Variants in PAPPA2 observed in about 807,000 individuals in gnomAD.
PAPPA2 encodes the protein pappalysin 2, also known as pappalysin-2.
A neutral mutation model predicts 176.4 loss-of-function variants in PAPPA2; 86 were observed. The ratio of observed to expected loss-of-function variants is 0.49; its 90% CI spans 0.41 to 0.58. The LOEUF (loss-of-function observed/expected upper bound fraction) is 0.58. PAPPA2 is among the 20% of genes least tolerant of loss of function. The pLI is 0.00. For synonymous variants in PAPPA2, 809 were observed against 852.2 expected (o/e 0.95, Z 0.88); for missense variants, 2,073 against 2,256.9 (o/e 0.92, Z 1.65).
At chr1:176,685,786 T>G (rs1379652599) in intron 4 of PAPPA2, among the ~76,000 whole-genome samples, 1 of 152,232 alleles carries the variant, frequency 6.6e-6, no homozygotes, top group Non-Finnish European at 1.5e-5. Flanking sequence ...TTCCTTTTAA[T>G]GAAAAGAAAT....
chr1:176,613,830 G>T, intron 3 of PAPPA2, among the ~76,000 whole-genome samples: 1 of 152,148 alleles, frequency 6.6e-6, no homozygotes, highest in Non-Finnish European at 1.5e-5. Context: ...TGTCAAATGG[G>T]TAATGTGACC....
At chr1:176,669,273 C>T (rs1658847313) in intron 3 of PAPPA2, among the ~76,000 whole-genome samples, 1 of 152,066 alleles carries the variant, frequency 6.6e-6, no homozygotes, top group African/African-American at 2.4e-5. Context: ...CTCTCTTCCC[C>T]CTTCTTTTCT....
chr1:176,544,626 T>C (rs1340284190), intron 1 of PAPPA2, among the ~76,000 whole-genome samples: 1 of 152,192 alleles, frequency 6.6e-6, no homozygotes, highest in Non-Finnish European at 1.5e-5. Context: ...CTGGATGTCC[T>C]ACAATTCAAT....
At chr1:176,708,225 C>T (rs903351505) in intron 10 of PAPPA2, among the ~76,000 whole-genome samples, 1 of 151,962 alleles carries the variant, frequency 6.6e-6, no homozygotes. Flanking sequence ...TTCCTTCAAC[C>T]CCAGTAAGAC....
intron 1 of PAPPA2, among the ~76,000 whole-genome samples, chr1:176,551,347 T>C (rs1650936609): frequency 6.6e-6 from 1 of 152,226 alleles, no homozygotes; most frequent in African/African-American, 2.4e-5. Context: ...GGCTTCTATA[T>C]ATAGATTCCG....
intron 3 of PAPPA2, among the ~76,000 whole-genome samples, chr1:176,598,850 G>A (rs564175956): frequency 7.9e-5 from 12 of 152,016 alleles, no homozygotes; most frequent in East Asian, 5.8e-4. Flanking sequence ...TCTTCAATGC[G>A]TTTTTTTGGG....
chr1:176,825,352 G>A (rs1486588865), intron 21 of PAPPA2, among the ~76,000 whole-genome samples: 2 of 152,186 alleles, frequency 1.3e-5, no homozygotes, highest in Non-Finnish European at 2.9e-5. Flanking sequence ...TTTATCCCCC[G>A]AGTAGTTGTC....
chr1:176,777,194 C>T (rs527602196), intron 17 of PAPPA2, among the ~76,000 whole-genome samples: 140 of 152,100 alleles, frequency 9.2e-4, no homozygotes, highest in African/African-American at 3.3e-3. Context: ...AACATCATTG[C>T]GAGAAGTGGT....
chr1:176,737,727 A>C (rs553979963), intron 12 of PAPPA2, among the ~76,000 whole-genome samples: 1 of 152,138 alleles, frequency 6.6e-6, no homozygotes, highest in South Asian at 2.1e-4. Flanking sequence ...AAGTGATTTG[A>C]TATTCAAAGA....
At chr1:176,604,466 A>AACCATGG (rs1427119707) in intron 3 of PAPPA2, among the ~76,000 whole-genome samples, 2 of 152,240 alleles carry the variant, frequency 1.3e-5, no homozygotes, top group Non-Finnish European at 2.9e-5. Context: ...GTGGTTGGCA[A>AACCATGG]ACCATGGACC....
intron 3 of PAPPA2, among the ~76,000 whole-genome samples, chr1:176,631,478 C>G (rs1256802342): frequency 1.3e-5 from 2 of 152,116 alleles, no homozygotes; most frequent in East Asian, 3.9e-4. Flanking sequence ...TGATTGCACA[C>G]ATCTCTCAAT....
At chr1:176,476,330 A>C (rs1652124015) in intron 1 of PAPPA2, among the ~76,000 whole-genome samples, 1 of 152,230 alleles carries the variant, frequency 6.6e-6, no homozygotes, top group Non-Finnish European at 1.5e-5. Context: ...TGTCTGGCAC[A>C]CAGAGGAATC....
In PAPPA2 at chr1:176,843,080, G is replaced by A. The variant is rs1464907716; in HGVS notation, c.*626G>A. On this transcript the variant is annotated 3_prime_UTR_variant, in exon 23 of 23. Coordinates refer to ENST00000367662, the MANE Select transcript of PAPPA2 (RefSeq NM_020318.3). ...ATTGTTCCACACATGCTGCTGTGAA[G>A]TTCACATTCAAGATGAATGTTGAGA... The A allele has an allele frequency of 1.3e-5, 2 of 151,888 alleles. No homozygotes were observed. The highest frequency in any genetic ancestry group is 2.9e-5 in the Non-Finnish European group (2 of 68,000). 9.4% of individuals were successfully genotyped at this position (151,888 alleles called of 1,614,324 possible).
At chr1:176,791,918 T>C (rs1367621397) in intron 19 of PAPPA2, among the ~76,000 whole-genome samples, 3 of 152,198 alleles carry the variant, frequency 2.0e-5, no homozygotes, top group African/African-American at 7.2e-5. Flanking sequence ...TTAGCTGCTT[T>C]AGTAAAATTG....
At chr1:176,731,803 T>C (rs1662171952) in intron 12 of PAPPA2, among the ~76,000 whole-genome samples, 1 of 151,968 alleles carries the variant, frequency 6.6e-6, no homozygotes, top group Non-Finnish European at 1.5e-5. Context: ...TATTGTACAT[T>C]CTTACATCTT....
At chr1:176,625,509 A>G (rs1425247959) in intron 3 of PAPPA2, among the ~76,000 whole-genome samples, 2 of 152,318 alleles carry the variant, frequency 1.3e-5, no homozygotes, top group East Asian at 3.9e-4. Context: ...CTCAGCCTCT[A>G]TAAAACACAC....
intron 12 of PAPPA2, among the ~76,000 whole-genome samples, chr1:176,718,356 A>T (rs1433178461): frequency 6.6e-6 from 1 of 151,844 alleles, no homozygotes; most frequent in African/African-American, 2.4e-5. Flanking sequence ...TATCATTTTC[A>T]TTAACCTTTT....
Position 176,556,078 on chromosome 1 carries a change from T to G in PAPPA2, c.-245T>G. ...CTAAAGTACAGCAAGAGGAGAGAGG[T>G]CAAGCGAGAAGCGTGCGGGAAGCAC... On this transcript the variant is annotated 5_prime_UTR_variant, in exon 2 of 23. Coordinates refer to ENST00000367662, the MANE Select transcript of PAPPA2 (RefSeq NM_020318.3). 2 of 492,228 alleles carry G rather than the reference T, an allele frequency of 4.1e-6. No homozygotes were observed. Among genetic ancestry groups the G allele is most frequent in the Non-Finnish European group, 7.1e-6 (2 of 279,810 alleles). The allele number at this position is 492,228 out of a possible 1,614,324, so 30.5% of individuals were successfully genotyped here. A position where few individuals can be genotyped will look rare whatever the true frequency, so the allele number is the denominator to read the frequency against.
intron 3 of PAPPA2, among the ~76,000 whole-genome samples, chr1:176,597,956 T>A (rs1182009201): frequency 6.6e-6 from 1 of 152,174 alleles, no homozygotes; most frequent in South Asian, 2.1e-4. Context: ...TGTTTATAAC[T>A]TACTCACCTC....
Sources: gnomAD v4.1 joint callset for allele counts (sites outside exome capture counted in the v4.1 genomes callset) on GRCh38, gnomAD v4.1.1 for gene constraint, MANE v1.5 for transcripts, NCBI Gene and HGNC (gene_info 2026-07-23, HGNC 2026-07-21) for gene names.